The following KIF12 variants were observed in gnomAD, a reference collection of about 807,000 sequenced individuals.
KIF12 encodes kinesin family member 12, also known as kinesin-like protein KIF12.
In KIF12, 80 loss-of-function variants were observed where a neutral mutation model predicts 87.9. The ratio of observed to expected loss-of-function variants is 0.91; its 90% CI spans 0.76 to 1.10. The LOEUF is 1.10. Ranked by LOEUF, KIF12 falls within the 50% of genes least tolerant of loss-of-function variation. KIF12 has a pLI of 0.00. For missense variants in KIF12, 819 were observed against 865.3 expected, an observed-to-expected ratio of 0.95 and a Z score of 0.67; for synonymous variants, 353 against 348.5, an observed-to-expected ratio of 1.01 and a Z score of -0.14.
Position 114,092,336 on chromosome 9 carries a change from T to C in KIF12, c.1813A>G (p.Arg605Gly), listed in dbSNP as rs896184451. The change falls in exon 18 of 19, where the codon AGA becomes GGA. Residue 605 changes from arginine (R) to glycine (G), a missense_variant. Coordinates refer to ENST00000640217, the MANE Select transcript of KIF12 (RefSeq NM_001388308.1). Reference protein sequence around the residue: ...VRPPKTSPGLRGGAGVPNLAQ... With the variant: ...VRPPKTSPGLGGGAGVPNLAQ... ...CCTCCCTCTCTCCCTTCTTCACCTCTGAGCCCTGGTGATGTCTTCGGGGGC... is the reference window on the plus strand; with the variant it reads ...CCTCCCTCTCTCCCTTCTTCACCTCCGAGCCCTGGTGATGTCTTCGGGGGC... The C allele has an allele frequency of 6.3e-7, 1 of 1,578,690 alleles. No homozygotes were observed. Among genetic ancestry groups the C allele is most frequent in the Admixed American group, 1.9e-5 (1 of 51,838 alleles).
At chr9:114,098,749 G>A (rs1436210450) in intron 3 of KIF12, among the ~76,000 whole-genome samples, 186 bp downstream of exon 3, 26 of 146,368 alleles carry the variant, frequency 1.8e-4, no homozygotes, top group Admixed American at 1.3e-3. Context: ...CACTCGCAGG[G>A]GTTGGCGCGG....
At chr9:114,098,243 T>A (rs1847320697) in intron 4 of KIF12, 53 bp from the exon 5 acceptor site, 2 of 1,518,786 alleles carry the variant, frequency 1.3e-6, no homozygotes, top group Non-Finnish European at 1.8e-6. Context: ...GGGTGGGGGC[T>A]GGGGGTGCTT....
chr9:114,099,290 C>T lies in KIF12; in HGVS notation c.-14G>A, dbSNP rs1847385504. ...GCGTTCTTCCATGTCCTGCTCTGCA[C>T]ACGGAGTTAGCTCCGCCCGCGTCTC... On this transcript the variant is annotated 5_prime_UTR_variant, in exon 1 of 19. The change creates a new upstream start codon in the 5' untranslated region. Coordinates refer to ENST00000640217, the MANE Select transcript of KIF12 (RefSeq NM_001388308.1). The T allele has an allele frequency of 6.4e-7, 1 of 1,551,010 alleles. No homozygotes were observed. Among genetic ancestry groups the T allele is most frequent in the Non-Finnish European group, 8.7e-7 (1 of 1,147,054 alleles).
In KIF12 at chr9:114,094,384, C is replaced by A; in HGVS notation, c.1191G>T (p.Leu397=). 1 of 1,613,998 alleles carries A rather than the reference C, an allele frequency of 6.2e-7. No homozygotes were observed. The highest frequency in any genetic ancestry group is 1.1e-5 in the South Asian group (1 of 91,066). The stretch of plus-strand genomic sequence containing the variant: ...AGTCCATTTGGTCCAGCTGGAACTG[C>A]AGGCGACGGTTCTCCTCCTGGAGCT... ...MLQLQEENRR[L]QFQLDQMDCK... Residue 397 remains leucine (L), a synonymous_variant, in exon 12 of 19, where the codon CTG becomes CTT. Transcript: ENST00000640217.
In KIF12 at chr9:114,098,956, G is replaced by A; in HGVS notation, c.150C>T (p.Cys50=). The change falls in exon 3 of 19, where the codon TGC becomes TGT. Residue 50 remains cysteine, a synonymous_variant. Transcript: ENST00000640217. ...LRRGQQSVLH[C]SGTRTLQVSP... ...TCACCTGCAGAGTCCGGGTCCCTGA[G>A]CAGTGCAGCACGCTCTGCTGCCCTC... The A allele has an allele frequency of 6.5e-7, 1 of 1,549,796 alleles. No individual in the cohort carries two copies. The highest frequency in any genetic ancestry group is 1.2e-5 in the South Asian group (1 of 84,046).
chr9:114,093,997 G>A, intron 13 of KIF12, 25 bp from the exon 14 acceptor site: 1 of 1,606,546 alleles, frequency 6.2e-7, no homozygotes, highest in Non-Finnish European at 8.5e-7. Context: ...AAGCCAGGAA[G>A]GGGTAGGAAA....
At position 114,093,571 on chromosome 9, in the gene KIF12, A is replaced by G. The variant is rs550114929; in HGVS notation, c.1401-74T>C. The G allele has an allele frequency of 2.7e-5, 32 of 1,201,782 alleles. No homozygotes were observed. In the South Asian group the frequency reaches 4.2e-4, roughly 16 times the overall value. 74.4% of individuals were successfully genotyped at this position (1,201,782 alleles called of 1,614,324 possible). On this transcript the variant is annotated intron_variant, in intron 14 of 18. Coordinates refer to ENST00000640217, the MANE Select transcript of KIF12 (RefSeq NM_001388308.1). ...AAGCTGGCTTTCAAATCCCCTTCCC[A>G]GCTAATACTCCTGGATCCCGTACCA...
chr9:114,093,994 G>A, intron 13 of KIF12, 22 bp from the exon 14 acceptor site: 19 of 1,606,926 alleles, frequency 1.2e-5, no homozygotes, highest in Non-Finnish European at 1.6e-5. Context: ...CACAAGCCAG[G>A]AAGGGGTAGG....
At chr9:114,095,994 T>G (rs931532281) in intron 9 of KIF12, 57 bp downstream of exon 9, 24 of 1,547,450 alleles carry the variant, frequency 1.6e-5, no homozygotes, top group Middle Eastern at 3.6e-4. Context: ...TGTGGAGAGC[T>G]GTGAGCCAGG....
chr9:114,093,886 C>A lies in KIF12; in HGVS notation c.1400G>T (p.Arg467Met). The change falls in exon 14 of 19, where the codon AGG becomes ATG. Residue 467 changes from arginine (R) to methionine (M), a missense_variant and splice_region_variant. Physicochemically the swap from Arg to Met is moderately conservative, Grantham distance 91. Transcript: ENST00000640217. ...ILAQQVHALERRLLSACYHHQ... is the reference protein window; with the variant it reads ...ILAQQVHALEMRLLSACYHHQ... ...GCTCCAAGCTGGTGGCTCTGCTTAC[C>A]TCTCTAGTGCATGGACCTGCTGGGC... 1 of 1,613,732 alleles carries A rather than the reference C, an allele frequency of 6.2e-7. No individual in the cohort carries two copies. Among genetic ancestry groups the A allele is most frequent in the Non-Finnish European group, 8.5e-7 (1 of 1,179,672 alleles).
intron 14 of KIF12, 98 bp from the exon 15 acceptor site, chr9:114,093,595 C>G: frequency 2.0e-6 from 2 of 1,012,222 alleles, no homozygotes; most frequent in Admixed American, 4.2e-5. Flanking sequence ...GATCCCGTAC[C>G]AGGTACCGGG....
intron 16 of KIF12, 37 bp downstream of exon 16, chr9:114,093,192 C>G (rs1304274433): frequency 6.6e-7 from 1 of 1,507,724 alleles, no homozygotes; most frequent in African/African-American, 1.4e-5. Context: ...CTCCAGTTCT[C>G]CCAGCCTTCC....
In KIF12 at chr9:114,099,248, T is replaced by C; in HGVS notation, c.26+3A>G. The C allele has an allele frequency of 6.4e-7, 1 of 1,551,106 alleles. No homozygotes were observed. Among genetic ancestry groups the C allele is most frequent in the Non-Finnish European group, 8.7e-7 (1 of 1,147,078 alleles). On this transcript the variant is annotated splice_donor_region_variant and intron_variant, in intron 1 of 18. Coordinates refer to ENST00000640217, the MANE Select transcript of KIF12 (RefSeq NM_001388308.1). The stretch of plus-strand genomic sequence containing the variant: ...CCTCGAACCTGTCTGAAGATCTGCT[T>C]ACCCGTCGGGTGACCCGCGTTCTTC...
chr9:114,093,270 C>A lies in KIF12; in HGVS notation c.1555G>T (p.Ala519Ser). Reference sequence around the variant, plus strand: ...TCCCCTGGCAGGCAGGCCCAGTGGGCCAGGGGCACTCGACACAGTGGGCAG... The same window carrying A: ...TCCCCTGGCAGGCAGGCCCAGTGGGACAGGGGCACTCGACACAGTGGGCAG... ...HICPLCRVPL[A>S]HWACLPGEHH... The change falls in exon 16 of 19, where the codon GCC becomes TCC. Residue 519 changes from alanine (A) to serine (S), a missense_variant. Physicochemically the swap from Ala to Ser is moderately conservative, Grantham distance 99 (BLOSUM62 1). Transcript: ENST00000640217. 1 of 1,558,450 alleles carries A rather than the reference C, an allele frequency of 6.4e-7. No homozygotes were observed. Among genetic ancestry groups the A allele is most frequent in the South Asian group, 1.2e-5 (1 of 84,558 alleles).
In KIF12 at chr9:114,098,447, G is replaced by GAGGAGCGGGGCAC; in HGVS notation, c.172-31_172-19dup. On this transcript the variant is annotated intron_variant, in intron 3 of 18. Transcript: ENST00000640217. ...GGACTCACCTGGCGCGGGTGGGGCG[G>GAGGAGCGGGGCAC]AGGAGCGGGGCACTCTGGAGGAGGG... 3 of 1,496,980 alleles carry GAGGAGCGGGGCAC rather than the reference G, an allele frequency of 2.0e-6. No homozygotes were observed. Among genetic ancestry groups the GAGGAGCGGGGCAC allele is most frequent in the South Asian group, 1.3e-5 (1 of 78,980 alleles). 92.7% of individuals were successfully genotyped at this position (1,496,980 alleles called of 1,614,324 possible).
In KIF12 at chr9:114,097,151, CCT is replaced by C; in HGVS notation, c.646+148_646+149del. 8.6e-6 allele frequency: 7 copies of C among 813,432 alleles called. 2 individuals are homozygous for C. The highest frequency in any genetic ancestry group is 2.0e-5 in the South Asian group (1 of 50,476). 50.4% of individuals were successfully genotyped at this position (813,432 alleles called of 1,614,324 possible). A position where few individuals can be genotyped will look rare whatever the true frequency, so the allele number is the denominator to read the frequency against. On this transcript the variant is annotated intron_variant, in intron 7 of 18. Coordinates refer to ENST00000640217, the MANE Select transcript of KIF12 (RefSeq NM_001388308.1). ...AGTGCGGGGAGGCCCTTGGGCCATG[CCT>C]TTGAATTGTGGTTTACTGGTCCTTC...
chr9:114,092,587 C>T lies in KIF12; in HGVS notation c.1652G>A (p.Trp551Ter), dbSNP rs1409365801. Residue 551 changes from tryptophan to a stop codon, truncating the protein, a stop_gained, in exon 17 of 19, where the codon TGG becomes TAG. Coordinates refer to ENST00000640217, the MANE Select transcript of KIF12 (RefSeq NM_001388308.1). LOFTEE classifies it high-confidence loss of function. ...GRPPSARPPP[W>*]APPCSPGSAK... ...AGAGCCAGGGCTGCATGGGGGTGCC[C>T]AGGGTGGGGGCCGGGCAGATGGGGG... 32 of 1,607,074 alleles carry T rather than the reference C, an allele frequency of 2.0e-5. No individual in the cohort carries two copies. The highest frequency in any genetic ancestry group is 2.7e-5 in the Non-Finnish European group (32 of 1,178,224).
At chr9:114,094,098 AG>A in intron 13 of KIF12, 82 bp downstream of exon 13, 2 of 1,465,030 alleles carry the variant, frequency 1.4e-6, no homozygotes, top group Non-Finnish European at 1.9e-6. Context: ...AGCCAGGGGC[AG>A]GGAGAGGAGG....
At position 114,091,907 on chromosome 9, in the gene KIF12, C is replaced by T. The variant is rs1159333451; in HGVS notation, c.1910G>A (p.Cys637Tyr). 6 of 1,612,842 alleles carry T rather than the reference C, an allele frequency of 3.7e-6. No individual in the cohort carries two copies. The highest frequency in any genetic ancestry group is 2.7e-5 in the African/African-American group (2 of 74,916). The change falls in exon 19 of 19, where the codon TGC becomes TAC. Residue 637 changes from cysteine to tyrosine, a missense_variant. Cys to Tyr is a radical substitution (Grantham distance 194, BLOSUM62 -2). Transcript: ENST00000640217. ...GCCTGGGCTCCGTGCGCCCTCACTG[C>T]AGGGTGGCTGGCTGCGGCCACGTCG... ...SLRRGRSQPPCSEGARSPGQV... is the reference protein window; with the variant it reads ...SLRRGRSQPPYSEGARSPGQV...
Sources: allele counts gnomAD v4.1 joint callset (sites outside exome capture counted in the v4.1 genomes callset), GRCh38; gene constraint gnomAD v4.1.1; transcripts MANE v1.5; gene names NCBI Gene and HGNC (gene_info 2026-07-23, HGNC 2026-07-21).